SMAD4: variants seen among roughly 807,000 people sequenced by gnomAD.
SMAD4 encodes the protein MAD homolog 4.
Under a neutral mutation model 63.2 loss-of-function variants are expected in SMAD4, and 7 were observed. That is an observed-to-expected ratio of 0.11 (90% CI 0.06 to 0.21). The LOEUF (loss-of-function observed/expected upper bound fraction) is 0.21. Ranked by LOEUF, SMAD4 falls within the 10% of genes least tolerant of loss-of-function variation. The probability of loss-of-function intolerance (pLI) is 1.00; values close to 1 mark genes in which losing one functional copy is unlikely to be tolerated. For synonymous variants in SMAD4, 215 were observed against 235.4 expected, an observed-to-expected ratio of 0.91 and a Z score of 0.79; for missense variants, 312 against 693.8, an observed-to-expected ratio of 0.45 and a Z score of 6.18.
chr18:51,059,569 A>T (rs1251430147), intron 7 of SMAD4, among the ~76,000 whole-genome samples: 1 of 152,252 alleles, frequency 6.6e-6, no homozygotes, highest in African/African-American at 2.4e-5. Flanking sequence ...ATTGGACGTT[A>T]CATGAATAAT....
rs115963135 is a variant in SMAD4 at position 51,041,115 on chromosome 18, G to A, written c.-127-5805G>A. 4.0e-3 allele frequency among the ~76,000 whole-genome samples: 611 copies of A among 152,128 alleles called. 3 individuals carry two copies. Among genetic ancestry groups the A allele is most frequent in the African/African-American group, 0.014 (590 of 41,470 alleles). ...AGTCTAGGATCTTACCGCTTTTCTG[G>A]TAATTGTTTCCTAACTGGTTTTCTA... On this transcript the variant is annotated intron_variant, in intron 1 of 11. Coordinates refer to ENST00000342988, the MANE Select transcript of SMAD4 (RefSeq NM_005359.6).
At chr18:51,039,791 A>T (rs1221978825) in intron 1 of SMAD4, among the ~76,000 whole-genome samples, 1 of 152,196 alleles carries the variant, frequency 6.6e-6, no homozygotes, top group Non-Finnish European at 1.5e-5. Context: ...AAATAAGATC[A>T]TTTAAACTGA....
Position 51,078,701 on chromosome 18 carries a change from A to G in SMAD4, c.*234A>G, listed in dbSNP as rs1910534556. The G allele has an allele frequency of 2.0e-6, 1 of 511,048 alleles. No individual in the cohort carries two copies. The highest frequency in any genetic ancestry group is 3.1e-5 in the East Asian group (1 of 32,286). The allele number at this position is 511,048 out of a possible 1,614,324, so 31.7% of individuals were successfully genotyped here. A position where few individuals can be genotyped will look rare whatever the true frequency, so the allele number is the denominator to read the frequency against. On this transcript the variant is annotated 3_prime_UTR_variant, in exon 12 of 12. Coordinates refer to ENST00000342988, the MANE Select transcript of SMAD4 (RefSeq NM_005359.6). ...AGAGCTTGAAGATTAGGAGAAACAC[A>G]TTCTTATTAATTCTTCACCTGTTAT... is the stretch of plus-strand genomic sequence containing the variant.
At chr18:51,076,531 A>T (rs1040411588) in intron 10 of SMAD4, 107 bp from the exon 11 acceptor site, 9 of 902,708 alleles carry the variant, frequency 1.0e-5, no homozygotes, top group African/African-American at 1.7e-5. Flanking sequence ...AATTCTTTTC[A>T]TGTGAGAGGT....
intron 1 of SMAD4, among the ~76,000 whole-genome samples, chr18:51,038,251 T>TG (rs374538576): frequency 0.22 from 20,605 of 93,940 alleles, 1,877 homozygotes; most frequent in South Asian, 0.34. Context: ...AGCGAGACTG[T>TG]GGGGGGGGGG....
In SMAD4 at chr18:51,054,869, C is replaced by T. The variant is rs2144418639; in HGVS notation, c.543C>T (p.Thr181=). 1 of 1,613,934 alleles carries T rather than the reference C, an allele frequency of 6.2e-7. No individual in the cohort carries two copies. Among genetic ancestry groups the T allele is most frequent in the South Asian group, 1.1e-5 (1 of 91,084 alleles). Residue 181 remains threonine, a synonymous_variant, in exon 5 of 12, where the codon ACC becomes ACT. Coordinates refer to ENST00000342988, the MANE Select transcript of SMAD4 (RefSeq NM_005359.6). ...CCACTGAAGGACATTCAATTCAAAC[C>T]ATCCAGCATCCACCAAGTAATCGTG... is the stretch of plus-strand genomic sequence containing the variant. The part of the protein sequence containing the change: ...SLSTEGHSIQ[T]IQHPPSNRAS...
chr18:51,068,031 T>C (rs1317800209), intron 10 of SMAD4, among the ~76,000 whole-genome samples: 3 of 152,216 alleles, frequency 2.0e-5, no homozygotes, highest in African/African-American at 7.2e-5. Context: ...CCTCAACATT[T>C]TCATTGTCAG....
intron 8 of SMAD4, among the ~76,000 whole-genome samples, chr18:51,062,114 A>C (rs1403530183): frequency 1.3e-5 from 2 of 152,182 alleles, no homozygotes; most frequent in Non-Finnish European, 2.9e-5. Flanking sequence ...GTTAGGGAAA[A>C]GGTGATATTA....
At chr18:51,037,991 TA>T (rs1048607713) in intron 1 of SMAD4, among the ~76,000 whole-genome samples, 11 of 151,874 alleles carry the variant, frequency 7.2e-5, no homozygotes, top group South Asian at 2.1e-4. Context: ...GGAATGTGAT[TA>T]AAAAAAATAT....
rs1910587064 is a variant in SMAD4, at chr18:51,080,512, T to G, written c.*2045T>G. ...TTTTTAAAAATCCAGATGATTTGAT[T>G]AAAACCTTAATCATACATTGACATA... On this transcript the variant is annotated 3_prime_UTR_variant, in exon 12 of 12. Coordinates refer to ENST00000342988, the MANE Select transcript of SMAD4 (RefSeq NM_005359.6). The G allele has an allele frequency of 4.6e-6, 1 of 218,008 alleles. No homozygotes were observed. Among genetic ancestry groups the G allele is most frequent in the African/African-American group, 2.2e-5 (1 of 44,572 alleles). 13.5% of individuals were successfully genotyped at this position (218,008 alleles called of 1,614,324 possible).
chr18:51,071,855 A>G (rs1437569629), intron 10 of SMAD4, among the ~76,000 whole-genome samples: 1 of 152,222 alleles, frequency 6.6e-6, no homozygotes, highest in Admixed American at 6.5e-5. Context: ...GGCATTTTAT[A>G]TAGAAGAGAA....
chr18:51,031,164 C>A (rs1859844653), intron 1 of SMAD4, among the ~76,000 whole-genome samples: 1 of 152,146 alleles, frequency 6.6e-6, no homozygotes, highest in Non-Finnish European at 1.5e-5. Context: ...ATTCTTAGCA[C>A]CTAACTGAAC....
intron 5 of SMAD4, among the ~76,000 whole-genome samples, chr18:51,055,225 A>G (rs1909811534): frequency 6.6e-6 from 1 of 152,212 alleles, no homozygotes; most frequent in African/African-American, 2.4e-5. Flanking sequence ...TTACTATTAC[A>G]TGTAGCAGTA....
At chr18:51,050,368 A>AG (rs1167971258) in intron 4 of SMAD4, among the ~76,000 whole-genome samples, 2 of 150,416 alleles carry the variant, frequency 1.3e-5, no homozygotes, top group Non-Finnish European at 3.0e-5. Flanking sequence ...AAAAAAAAAA[A>AG]GTGGGGGGAG....
At chr18:51,073,638 C>T (rs1030605844) in intron 10 of SMAD4, among the ~76,000 whole-genome samples, 2 of 151,800 alleles carry the variant, frequency 1.3e-5, no homozygotes, top group Admixed American at 6.6e-5. Context: ...TTAAGGGATT[C>T]TCCTGTCTCA....
chr18:51,068,370 A>AGCATAGTTG (rs2144455740), intron 10 of SMAD4, among the ~76,000 whole-genome samples: 1 of 152,328 alleles, frequency 6.6e-6, no homozygotes, highest in South Asian at 2.1e-4. Context: ...GCCAATTCCA[A>AGCATAGTTG]ACAGCATAGT....
intron 10 of SMAD4, among the ~76,000 whole-genome samples, chr18:51,073,259 A>T (rs1439897491): frequency 6.7e-6 from 1 of 150,218 alleles, no homozygotes; most frequent in Non-Finnish European, 1.5e-5. Flanking sequence ...TTACTTGGTT[A>T]TTTTTTTAAA....
chr18:51,045,447 G>A (rs1909515014), intron 1 of SMAD4, among the ~76,000 whole-genome samples: 2 of 152,306 alleles, frequency 1.3e-5, no homozygotes, highest in South Asian at 2.1e-4. Flanking sequence ...TTATTCTTAA[G>A]CTAATGGCCT....
rs1229568755 is a variant in SMAD4, at chr18:51,083,994, GCGTGCGCA to G, written c.*5530_*5537del. 5.2e-5 allele frequency: 8 copies of G among 154,126 alleles called. No homozygotes were observed. The highest frequency in any genetic ancestry group is 7.6e-5 in the East Asian group (1 of 13,138). 9.5% of individuals were successfully genotyped at this position (154,126 alleles called of 1,614,324 possible). A position where few individuals can be genotyped will look rare whatever the true frequency, so the allele number is the denominator to read the frequency against. ...AGGGGCTGCAATAAACACTTAACGC[GCGTGCGCA>G]CGCGCGCGCGCACACACACACACAC... On this transcript the variant is annotated 3_prime_UTR_variant, in exon 12 of 12. Transcript: ENST00000342988.
Sources: gnomAD v4.1 joint callset for allele counts (sites outside exome capture counted in the v4.1 genomes callset) on GRCh38, gnomAD v4.1.1 for gene constraint, MANE v1.5 for transcripts, NCBI Gene and HGNC (gene_info 2026-07-23, HGNC 2026-07-21) for gene names.